Variants in ITFG2 observed in about 807,000 individuals in gnomAD.
ITFG2 encodes the protein KICSTOR complex protein ITFG2.
A neutral mutation model predicts 54.4 loss-of-function variants in ITFG2; 36 were observed. That is an observed-to-expected ratio of 0.66 (90% CI 0.51 to 0.87). The LOEUF is 0.87. Among genes scored for constraint, ITFG2 ranks in the 40% least tolerant of loss-of-function variants. The pLI is 0.00. For missense variants in ITFG2, 524 were observed against 576.7 expected (o/e 0.91, Z 0.94); for synonymous variants, 211 against 225.4 (o/e 0.94, Z 0.57).
downstream of ITFG2, among the ~76,000 whole-genome samples, chr12:2,829,681 C>T (rs940416967): frequency 3.9e-5 from 6 of 152,070 alleles, no homozygotes; most frequent in African/African-American, 1.2e-4. Context: ...GTGGGAGGAT[C>T]GCTTGAGTCC....
intron 4 of ITFG2, chr12:2,819,839 A>G (rs1381569660): frequency 8.5e-6 from 3 of 352,800 alleles, no homozygotes; most frequent in Non-Finnish European, 1.5e-5. Context: ...ATGAATTGGG[A>G]CACTTTGAGT....
chr12:2,835,323 C>T (rs1421967566), upstream of ITFG2, among the ~76,000 whole-genome samples: 1 of 152,112 alleles, frequency 6.6e-6, no homozygotes, highest in Non-Finnish European at 1.5e-5. Flanking sequence ...GCGTGTGTGG[C>T]CCCCGCCCTC....
chr12:2,850,083 C>A (rs2098065219), intron 2 of ITFG2, among the ~76,000 whole-genome samples: 1 of 152,158 alleles, frequency 6.6e-6, no homozygotes, highest in South Asian at 2.1e-4. Flanking sequence ...CTGCACATTA[C>A]AATCACCCTG....
chr12:2,854,186 C>T lies in ITFG2; in HGVS notation n.301-3826C>T, dbSNP rs145074222. Among the ~76,000 whole-genome samples the T allele has an allele frequency of 6.9e-3, 1,044 of 152,236 alleles. 12 individuals carry two copies. The highest frequency in any genetic ancestry group is 9.6e-3 in the Non-Finnish European group (652 of 68,002). On this transcript the variant is annotated intron_variant and non_coding_transcript_variant, in intron 2 of 3. Transcript: ENST00000537710. Reference sequence around the variant, plus strand: ...GATTGCAGGCACCCATCACCACACCCGGCTAATTTTGTATTTTTAGTAGAG... The same window carrying T: ...GATTGCAGGCACCCATCACCACACCTGGCTAATTTTGTATTTTTAGTAGAG...
chr12:2,822,741 C>T (rs1319927631), intron 9 of ITFG2, 53 bp from the exon 10 acceptor site: 12 of 1,484,558 alleles, frequency 8.1e-6, no homozygotes, highest in Non-Finnish European at 1.0e-5. Context: ...GTTTGTCATC[C>T]AGAATCCAGT....
At chr12:2,855,251 G>GGGCGCCACCCTTCCAAGGGTGGA (rs755683347) in intron 2 of ITFG2, 39 of 1,509,406 alleles carry the variant, frequency 2.6e-5, no homozygotes, top group Non-Finnish European at 3.3e-5. Flanking sequence ...CAGGTGTGCT[G>GGGCGCCACCCTTCCAAGGGTGGA]GGCGCCACCC....
At position 2,845,540 on chromosome 12, in the gene ITFG2, GC is replaced by G. The variant is rs1252041586; in HGVS notation, n.300+4548del. ...GGAGGTGGAGGGAGGGGAGTTTTTG[GC>G]CCGGAAATGGCTGGGAAGACTTCCT... is the stretch of plus-strand genomic sequence containing the variant. On this transcript the variant is annotated intron_variant and non_coding_transcript_variant, in intron 2 of 3. Coordinates refer to the ITFG2 transcript ENST00000537710. The surrounding 1 kb of genome is among the most constrained non-coding windows in gnomAD (Gnocchi z 4.2). Among the ~76,000 whole-genome samples the G allele has an allele frequency of 1.3e-5, 2 of 152,112 alleles. No individual in the cohort carries two copies. Among genetic ancestry groups the G allele is most frequent in the Non-Finnish European group, 1.5e-5 (1 of 68,010 alleles).
At chr12:2,841,376 A>C (rs1053439712) in intron 2 of ITFG2, among the ~76,000 whole-genome samples, 1 of 152,178 alleles carries the variant, frequency 6.6e-6, no homozygotes, top group Non-Finnish European at 1.5e-5. Context: ...TCTAGCAATG[A>C]TGAAGGGGCA....
intron 1 of ITFG2, among the ~76,000 whole-genome samples, chr12:2,816,675 G>C (rs1381748524): frequency 1.7e-5 from 2 of 120,272 alleles, no homozygotes; most frequent in Non-Finnish European, 3.3e-5. Context: ...GTCTCACTCT[G>C]TCACCCAGGC....
At chr12:2,827,480 T>C, downstream of ITFG2, 1 of 1,535,962 alleles carries the variant, frequency 6.5e-7, no homozygotes, top group Non-Finnish European at 8.7e-7. The surrounding 1 kb of genome is among the most constrained non-coding windows in gnomAD (Gnocchi z 4.0). Context: ...TTTCACTTGG[T>C]GGTAAGTAAG....
At chr12:2,852,008 T>C (rs2098072630) in intron 2 of ITFG2, among the ~76,000 whole-genome samples, 1 of 152,210 alleles carries the variant, frequency 6.6e-6, no homozygotes, top group Admixed American at 6.5e-5. Context: ...ATGAGGTAAT[T>C]GTGCTAAAAT....
chr12:2,817,331 T>G lies in ITFG2; in HGVS notation c.192+13T>G. The G allele has an allele frequency of 6.3e-7, 1 of 1,593,224 alleles. No homozygotes were observed. The highest frequency in any genetic ancestry group is 8.6e-7 in the Non-Finnish European group (1 of 1,162,262). ...CTGCCAGGGAATGGTCAGTATTCAC[T>G]TCCCTGGGCCTGGAGGGGGGAAGGG... On this transcript the variant is annotated intron_variant, in intron 2 of 11. Transcript: ENST00000228799.
chr12:2,835,850 G>A (rs1378329725), upstream of ITFG2, among the ~76,000 whole-genome samples: 1 of 152,126 alleles, frequency 6.6e-6, no homozygotes, highest in East Asian at 1.9e-4. Context: ...TGCATTCTAA[G>A]CAATATGTCG....
downstream of ITFG2, among the ~76,000 whole-genome samples, chr12:2,831,649 C>G (rs2098003814): frequency 6.6e-6 from 1 of 152,074 alleles, no homozygotes. Flanking sequence ...TTTGACCTGT[C>G]CCTCATCTAC....
rs2097946366 is a variant in ITFG2, at chr12:2,821,918, T to TG, written c.948+126_948+127insG. On this transcript the variant is annotated intron_variant, in intron 9 of 11. Coordinates refer to ENST00000228799, the MANE Select transcript of ITFG2 (RefSeq NM_018463.4). ...AACCTTTATCTTTAGTCTCTGTCTC[T>TG]TTTTTTTTTTTCCTTTTTTTTTTTT... 1.9e-5 allele frequency: 7 copies of TG among 375,248 alleles called. No individual in the cohort carries two copies. In the Admixed American group the frequency reaches 3.2e-4, roughly 17 times the overall value. The allele number at this position is 375,248 out of a possible 1,614,324, so 23.2% of individuals were successfully genotyped here. A position where few individuals can be genotyped will look rare whatever the true frequency, so the allele number is the denominator to read the frequency against.
rs115834226 is a variant in ITFG2, at chr12:2,856,950, C to A, written n.301-1062C>A. On this transcript the variant is annotated intron_variant and non_coding_transcript_variant, in intron 2 of 3. Coordinates refer to the ITFG2 transcript ENST00000537710. The stretch of plus-strand genomic sequence containing the variant: ...GGTAGGCGGCAGAGATGGGCCACCC[C>A]CTACCTGCAGGAAAGGTTCTTCCAT... 8.0e-3 allele frequency: 5,628 copies of A among 703,018 alleles called. 226 individuals carry two copies. The African/African-American group carries it at 0.088, about 11-fold the overall frequency. 43.5% of individuals were successfully genotyped at this position (703,018 alleles called of 1,614,324 possible).
At chr12:2,828,191 G>T (rs1423876955), downstream of ITFG2, 18 of 1,140,030 alleles carry the variant, frequency 1.6e-5, no homozygotes, top group Non-Finnish European at 2.3e-5. Context: ...CTCTGCCAGA[G>T]TCTTCTAGCC....
chr12:2,843,187 T>G (rs939496251), intron 2 of ITFG2, among the ~76,000 whole-genome samples: 4 of 152,168 alleles, frequency 2.6e-5, no homozygotes, highest in African/African-American at 9.7e-5. Context: ...CGTGGAGGGT[T>G]AAGGGCAGCC....
At chr12:2,823,608 GT>G (rs1263890975) in intron 10 of ITFG2, among the ~76,000 whole-genome samples, 161 bp from the exon 11 acceptor site, 1 of 152,076 alleles carries the variant, frequency 6.6e-6, no homozygotes, top group East Asian at 1.9e-4. Context: ...CATCTTACTT[GT>G]TTTACTGAGT....
Sources: gnomAD v4.1 joint callset for allele counts (sites outside exome capture counted in the v4.1 genomes callset) on GRCh38, gnomAD v4.1.1 for gene constraint, Gnocchi (gnomAD v3.1) non-coding constraint, MANE v1.5 for transcripts, NCBI Gene and HGNC (gene_info 2026-07-23, HGNC 2026-07-21) for gene names.